USP10: variants seen among roughly 807,000 people sequenced by gnomAD.
USP10 encodes the protein ubiquitin carboxyl-terminal hydrolase 10.
In USP10, 22 loss-of-function variants were observed where a neutral mutation model predicts 84.5. The ratio of observed to expected loss-of-function variants is 0.26; its 90% confidence interval spans 0.19 to 0.37. The LOEUF is 0.37. Ranked by LOEUF, USP10 falls within the 10% of genes least tolerant of loss-of-function variation. The probability of loss-of-function intolerance (pLI) is 1.00; values close to 1 mark genes in which losing one functional copy is unlikely to be tolerated. For missense variants in USP10, 1,019 were observed against 998.9 expected (o/e 1.02, Z -0.27); for synonymous variants, 454 against 387.6 (o/e 1.17, Z -2.01).
intron 3 of USP10, among the ~76,000 whole-genome samples, chr16:84,743,325 A>G (rs1910841524): frequency 6.6e-6 from 1 of 152,134 alleles, no homozygotes; most frequent in South Asian, 2.1e-4. Flanking sequence ...CACCCCCCAC[A>G]GTCGGGGGCT....
At chr16:84,706,506 ATATT>A (rs1451759441) in intron 1 of USP10, among the ~76,000 whole-genome samples, 1 of 147,668 alleles carries the variant, frequency 6.8e-6, no homozygotes, top group Non-Finnish European at 1.5e-5. Context: ...ATATGTATTT[ATATT>A]TATTTATATT....
At chr16:84,700,175 C>T in intron 1 of USP10, 64 bp downstream of exon 1, 3 of 1,170,514 alleles carry the variant, frequency 2.6e-6, no homozygotes, top group Non-Finnish European at 3.2e-6. Context: ...GACGCCGCGG[C>T]GGGCGGGCGT....
chr16:84,711,097 T>C (rs1906225767), intron 1 of USP10, among the ~76,000 whole-genome samples: 1 of 152,206 alleles, frequency 6.6e-6, no homozygotes, highest in South Asian at 2.1e-4. Context: ...ATTTTGCCAC[T>C]TTGAAGAGCT....
At chr16:84,722,516 C>T (rs894315875) in intron 1 of USP10, among the ~76,000 whole-genome samples, 2 of 152,178 alleles carry the variant, frequency 1.3e-5, no homozygotes, top group African/African-American at 4.8e-5. Flanking sequence ...TCTGCACCAG[C>T]AGTGTATGAG....
chr16:84,754,240 G>A (rs1912260833), intron 4 of USP10, among the ~76,000 whole-genome samples: 2 of 152,122 alleles, frequency 1.3e-5, no homozygotes, highest in South Asian at 2.1e-4. Context: ...CATTATAAGA[G>A]ATTAATAACA....
chr16:84,747,956 T>TCCTGGCTAACACGGTGAAAC lies in USP10; in HGVS notation c.1192+2286_1192+2305dup, dbSNP rs1473118477. 2.6e-5 allele frequency among the ~76,000 whole-genome samples: 4 copies of TCCTGGCTAACACGGTGAAAC among 151,548 alleles called. No homozygotes were observed. The South Asian group carries it at 8.3e-4, about 32-fold the overall frequency. Reference sequence around the variant, plus strand: ...TGACAAGGTCAGGAGATCGAGACCATCCTGGCTAACACGGTGAAACCCCGT... The same window carrying TCCTGGCTAACACGGTGAAAC: ...TGACAAGGTCAGGAGATCGAGACCATCCTGGCTAACACGGTGAAACCCTGGCTAACACGGTGAAACCCCGT... On this transcript the variant is annotated intron_variant, in intron 4 of 13. Transcript: ENST00000219473.
chr16:84,775,561 T>C (rs893022186), intron 13 of USP10, among the ~76,000 whole-genome samples: 14 of 152,224 alleles, frequency 9.2e-5, no homozygotes, highest in African/African-American at 3.4e-4. Context: ...GTGACAGTGC[T>C]GTGGAGTTTC....
rs8049587 is a variant in USP10 at position 84,772,702 on chromosome 16, G to C, written c.2143+17G>C. On this transcript the variant is annotated intron_variant, in intron 12 of 13. Transcript: ENST00000219473. ...TTAGTAAAGGTAATGCATACATAAG[G>C]TCGGGAGTGTTCGTGGTGACACACT... 6.9e-5 allele frequency: 112 copies of C among 1,613,048 alleles called. No homozygotes were observed. The African/African-American group carries it at 1.3e-3, about 18-fold the overall frequency.
chr16:84,707,455 C>G (rs987805563), intron 1 of USP10, among the ~76,000 whole-genome samples: 1 of 152,076 alleles, frequency 6.6e-6, no homozygotes, highest in African/African-American at 2.4e-5. Context: ...AAGTAGAAGT[C>G]ATTCCCTTCC....
chr16:84,745,812 A>C (rs1911163159), intron 4 of USP10, 139 bp downstream of exon 4: 1 of 904,252 alleles, frequency 1.1e-6, no homozygotes, highest in Admixed American at 2.9e-5. Flanking sequence ...CCTATGTCTT[A>C]AATGTTCTCT....
intron 1 of USP10, among the ~76,000 whole-genome samples, chr16:84,702,045 CTTTTTTTTTTTTT>C (rs1168917308): frequency 7.0e-5 from 3 of 42,630 alleles, no homozygotes; most frequent in East Asian, 1.3e-3. Flanking sequence ...GAGTTTCGCT[CTTTTTTTTTTTTT>C]TTTTTTTTTT....
At position 84,759,351 on chromosome 16, in the gene USP10, G is replaced by A; in HGVS notation, c.1285-12G>A. ...TTCATTTCCTTTACGCTTCCTTACT[G>A]CCACTACATAGACACTGCAGGCATT... On this transcript the variant is annotated splice_polypyrimidine_tract_variant and intron_variant, in intron 5 of 13. Transcript: ENST00000219473. 1 of 1,612,746 alleles carries A rather than the reference G, an allele frequency of 6.2e-7. No individual in the cohort carries two copies. The highest frequency in any genetic ancestry group is 8.5e-7 in the Non-Finnish European group (1 of 1,178,810).
chr16:84,777,019 G>A (rs1915093240), intron 13 of USP10, among the ~76,000 whole-genome samples: 2 of 152,308 alleles, frequency 1.3e-5, no homozygotes, highest in African/African-American at 4.8e-5. Flanking sequence ...CGCCCTTTTG[G>A]CCAGGCTGGA....
chr16:84,713,710 A>C (rs1041653270), intron 1 of USP10, among the ~76,000 whole-genome samples: 1 of 152,182 alleles, frequency 6.6e-6, no homozygotes, highest in African/African-American at 2.4e-5. Context: ...TAGAGAATCA[A>C]CTGTTAGGAT....
intron 8 of USP10, among the ~76,000 whole-genome samples, chr16:84,762,621 C>T (rs1273664739): frequency 6.6e-6 from 1 of 151,148 alleles, no homozygotes; most frequent in Non-Finnish European, 1.5e-5. Context: ...AACCCGGGAG[C>T]TGGAGGTTGC....
intron 10 of USP10, 93 bp downstream of exon 10, chr16:84,764,356 T>C (rs1913576283): frequency 6.5e-7 from 1 of 1,527,380 alleles, no homozygotes; most frequent in East Asian, 2.3e-5. Context: ...TTTTGAGACT[T>C]CTTGGACGTA....
At chr16:84,752,674 C>T (rs775135418) in intron 4 of USP10, among the ~76,000 whole-genome samples, 1 of 152,198 alleles carries the variant, frequency 6.6e-6, no homozygotes. Context: ...TTCACTTGAA[C>T]ATAATTCGGT....
At chr16:84,731,312 A>G (rs1195045076) in intron 1 of USP10, among the ~76,000 whole-genome samples, 2 of 151,070 alleles carry the variant, frequency 1.3e-5, no homozygotes, top group Admixed American at 6.6e-5. Flanking sequence ...TGCTCGTTGC[A>G]GAGCAGGGCT....
intron 1 of USP10, chr16:84,733,170 G>T: frequency 3.8e-6 from 2 of 529,832 alleles, no homozygotes; most frequent in South Asian, 3.2e-5. Flanking sequence ...GACTCGACAA[G>T]TTTGGCATAC....
Sources: gnomAD v4.1 joint callset for allele counts (sites outside exome capture counted in the v4.1 genomes callset) on GRCh38, gnomAD v4.1.1 for gene constraint, MANE v1.5 for transcripts, NCBI Gene and HGNC (gene_info 2026-07-23, HGNC 2026-07-21) for gene names.